Variants in NAA25 observed in about 807,000 individuals in gnomAD.
The protein encoded by NAA25 is N-terminal acetyltransferase B complex subunit NAA25.
A neutral mutation model predicts 132.5 loss-of-function variants in NAA25; 30 were observed. The observed-to-expected ratio is 0.23, with a 90% CI of 0.17 to 0.31. NAA25 has a LOEUF of 0.31. Ranked by LOEUF, NAA25 falls within the 10% of genes least tolerant of loss-of-function variation. The pLI, the probability that NAA25 is intolerant of heterozygous loss-of-function variation, is 1.00. For synonymous variants in NAA25, 359 were observed against 401.9 expected (o/e 0.89, Z 1.28); for missense variants, 771 against 1,150.4 (o/e 0.67, Z 4.77).
intron 23 of NAA25, among the ~76,000 whole-genome samples, chr12:112,030,161 T>C (rs527855432): frequency 7.8e-6 from 1 of 128,140 alleles, no homozygotes; most frequent in African/African-American, 3.0e-5. Flanking sequence ...AGTAGTGAGC[T>C]GAGATCGTGC....
chr12:112,092,232 C>T (rs2079142165), intron 2 of NAA25, among the ~76,000 whole-genome samples: 1 of 149,630 alleles, frequency 6.7e-6, no homozygotes, highest in Non-Finnish European at 1.5e-5. Flanking sequence ...CACAGCAAGA[C>T]TCCATCTCAA....
intron 1 of NAA25, among the ~76,000 whole-genome samples, chr12:112,101,703 G>A (rs2079298355): frequency 1.3e-5 from 2 of 151,862 alleles, no homozygotes; most frequent in Admixed American, 6.6e-5. Context: ...GTTGCAGCGA[G>A]TGGAGATCAC....
intron 17 of NAA25, 31 bp from the exon 18 acceptor site, chr12:112,043,899 C>T (rs2078336303): frequency 6.3e-7 from 1 of 1,592,094 alleles, no homozygotes; most frequent in Non-Finnish European, 8.6e-7. Context: ...AATTATCTAA[C>T]TTATTCAATA....
intron 1 of NAA25, 108 bp from the exon 2 acceptor site, chr12:112,093,244 T>A (rs2079162744): frequency 1.5e-6 from 1 of 672,872 alleles, no homozygotes; most frequent in Non-Finnish European, 2.5e-6. Flanking sequence ...ATTTGCTATA[T>A]AAAACATCAT....
intron 4 of NAA25, among the ~76,000 whole-genome samples, chr12:112,082,590 T>C (rs2078987978): frequency 6.6e-6 from 1 of 151,868 alleles, no homozygotes; most frequent in African/African-American, 2.4e-5. Context: ...ATCAAAATAA[T>C]AAAACTAAAT....
At chr12:112,090,386 T>C (rs1433309138) in intron 3 of NAA25, 1 of 179,212 alleles carries the variant, frequency 5.6e-6, no homozygotes, top group Admixed American at 6.2e-5. Context: ...CATGTGTTAA[T>C]TGCTGAAGGT....
chr12:112,045,335 C>CA (rs1026610941), intron 17 of NAA25, among the ~76,000 whole-genome samples: 55 of 150,720 alleles, frequency 3.6e-4, no homozygotes, highest in African/African-American at 4.4e-4. Context: ...ATTAAAAATA[C>CA]AAAAAAAATT....
In NAA25 at chr12:112,056,190, C is replaced by T. The variant is rs539925265; in HGVS notation, c.1448-1622G>A. Among the ~76,000 whole-genome samples the T allele has an allele frequency of 9.2e-5, 14 of 152,042 alleles. No homozygotes were observed. In the East Asian group the frequency reaches 1.5e-3, roughly 17 times the overall value. ...CTCTACTAAAAATACAAAAATTAGC[C>T]GGGCGTGGTGGCGGGTGCCTATAAT... On this transcript the variant is annotated intron_variant, in intron 13 of 23. Transcript: ENST00000261745.
intron 11 of NAA25, among the ~76,000 whole-genome samples, chr12:112,068,356 C>T (rs899860722): frequency 5.3e-5 from 8 of 152,092 alleles, no homozygotes; most frequent in East Asian, 1.9e-4. Context: ...ATCTTGACTA[C>T]GGTAATAGTC....
At chr12:112,078,572 A>G in intron 6 of NAA25, 62 bp downstream of exon 6, 1 of 1,372,376 alleles carries the variant, frequency 7.3e-7, no homozygotes, top group Non-Finnish European at 1.0e-6. Context: ...ATAGTATTAT[A>G]ACATAATATT....
Position 112,027,938 on chromosome 12 carries a change from T to C in NAA25, c.*1593A>G. 6.6e-6 allele frequency: 1 copy of C among 152,220 alleles called. No individual in the cohort carries two copies. The highest frequency in any genetic ancestry group is 1.9e-4 in the East Asian group (1 of 5,202). 9.4% of individuals were successfully genotyped at this position (152,220 alleles called of 1,614,324 possible). A position where few individuals can be genotyped will look rare whatever the true frequency, so the allele number is the denominator to read the frequency against. On this transcript the variant is annotated 3_prime_UTR_variant, in exon 24 of 24. Coordinates refer to ENST00000261745, the MANE Select transcript of NAA25 (RefSeq NM_024953.4). The stretch of plus-strand genomic sequence containing the variant: ...TGTTGCTACTCATATCAAAAATAAA[T>C]TTTTGAAATTAGTTGATGGACTAGG...
Position 112,053,630 on chromosome 12 carries a change from A to G in NAA25, c.1656T>C (p.Ser552=). Reference sequence around the variant, plus strand: ...GGGACGCAGCAGCATACTGACCTAGAGATTCAGCATATCGGGTCAAAAGAT... The same window carrying G: ...GGGACGCAGCAGCATACTGACCTAGGGATTCAGCATATCGGGTCAAAAGAT... ...IGYLLTRYAE[S]LGQYAAASQS... Residue 552 remains serine (S), a synonymous_variant, in exon 15 of 24, where the codon TCT becomes TCC. Coordinates refer to ENST00000261745, the MANE Select transcript of NAA25 (RefSeq NM_024953.4). 6.2e-7 allele frequency: 1 copy of G among 1,607,314 alleles called. No individual in the cohort carries two copies. The highest frequency in any genetic ancestry group is 8.5e-7 in the Non-Finnish European group (1 of 1,176,086).
chr12:112,096,523 T>C (rs1234357269), intron 1 of NAA25, among the ~76,000 whole-genome samples: 1 of 152,128 alleles, frequency 6.6e-6, no homozygotes, highest in Non-Finnish European at 1.5e-5. Context: ...GCACCAATAA[T>C]GCTAGGTAAA....
Position 112,078,170 on chromosome 12 carries a change from A to C in NAA25, c.664+18T>G, listed in dbSNP as rs770733536. On this transcript the variant is annotated intron_variant, in intron 7 of 23. Coordinates refer to ENST00000261745, the MANE Select transcript of NAA25 (RefSeq NM_024953.4). Reference sequence around the variant, plus strand: ...AATAGGAAAAAAAAAAAGCTTTAAGAAAATGTTTAAAAATTACCTCCTAAT... The same window carrying C: ...AATAGGAAAAAAAAAAAGCTTTAAGCAAATGTTTAAAAATTACCTCCTAAT... The C allele has an allele frequency of 4.5e-6, 7 of 1,541,600 alleles. No individual in the cohort carries two copies. Among genetic ancestry groups the C allele is most frequent in the Non-Finnish European group, 6.2e-6 (7 of 1,136,904 alleles).
chr12:112,039,195 G>A, intron 22 of NAA25, 34 bp downstream of exon 22: 1 of 1,324,116 alleles, frequency 7.6e-7, no homozygotes, highest in South Asian at 1.3e-5. Flanking sequence ...TGGTCAGATT[G>A]TTCCTTGTAT....
intron 19 of NAA25, 70 bp downstream of exon 19, chr12:112,043,018 T>A (rs2078324478): frequency 6.9e-7 from 1 of 1,450,438 alleles, no homozygotes; most frequent in Non-Finnish European, 9.2e-7. Context: ...GATGTGAGGT[T>A]ATAGACATTT....
At chr12:112,057,853 C>T (rs2078570423) in intron 13 of NAA25, among the ~76,000 whole-genome samples, 3 of 152,108 alleles carry the variant, frequency 2.0e-5, no homozygotes, top group Non-Finnish European at 2.9e-5. Context: ...TGGTGGTGGG[C>T]GCCTGTAGTC....
intron 1 of NAA25, among the ~76,000 whole-genome samples, chr12:112,106,553 C>T (rs957323727): frequency 1.3e-5 from 2 of 152,024 alleles, no homozygotes; most frequent in African/African-American, 2.4e-5. Context: ...TATGCAGCCC[C>T]GGGGAAATAG....
At chr12:112,091,090 A>G (rs747089155) in intron 2 of NAA25, among the ~76,000 whole-genome samples, 24 of 152,010 alleles carry the variant, frequency 1.6e-4, no homozygotes, top group Admixed American at 3.3e-4. Context: ...CAACGTGGTG[A>G]GACTCCATCT....
Sources: allele counts gnomAD v4.1 joint callset (sites outside exome capture counted in the v4.1 genomes callset), GRCh38; gene constraint gnomAD v4.1.1; transcripts MANE v1.5; gene names NCBI Gene and HGNC (gene_info 2026-07-23, HGNC 2026-07-21).